AKAP6: variants seen among roughly 807,000 people sequenced by gnomAD.
The protein encoded by AKAP6 is A-kinase anchor protein 6.
Under a neutral mutation model 188.5 loss-of-function variants are expected in AKAP6, and 58 were observed. The observed-to-expected ratio is 0.31, with a 90% CI of 0.25 to 0.38. The LOEUF (loss-of-function observed/expected upper bound fraction) is 0.38. Among genes scored for constraint, AKAP6 ranks in the 10% least tolerant of loss-of-function variants. AKAP6 has a pLI of 1.00. For missense variants in AKAP6, 2,710 were observed against 2,740.0 expected (o/e 0.99, Z 0.24); for synonymous variants, 989 against 998.6 (o/e 0.99, Z 0.18).
chr14:32,794,875 C>T (rs192298627), intron 12 of AKAP6, among the ~76,000 whole-genome samples: 2 of 151,404 alleles, frequency 1.3e-5, no homozygotes, highest in Non-Finnish European at 3.0e-5. Context: ...TTTAAATTAA[C>T]AAAAGAGACC....
chr14:32,706,271 A>G (rs1890808291), intron 9 of AKAP6, among the ~76,000 whole-genome samples: 2 of 152,164 alleles, frequency 1.3e-5, no homozygotes, highest in African/African-American at 2.4e-5. Flanking sequence ...GTTAGAAGGT[A>G]TATCTGCAAA....
At chr14:32,534,978 C>A (rs145001232) in intron 2 of AKAP6, among the ~76,000 whole-genome samples, 792 of 84,752 alleles carry the variant, frequency 9.3e-3, no homozygotes, top group Middle Eastern at 0.014. Context: ...AAAAAAAAAA[C>A]AAAAACAAAC....
chr14:32,804,401 C>A (rs1464198726), intron 12 of AKAP6, among the ~76,000 whole-genome samples: 1 of 152,056 alleles, frequency 6.6e-6, no homozygotes, highest in African/African-American at 2.4e-5. Context: ...ATTGGTAGGA[C>A]CACGAAGCCC....
chr14:32,819,446 A>G (rs73258746), intron 12 of AKAP6, among the ~76,000 whole-genome samples: 2,026 of 152,298 alleles, frequency 0.013, 44 homozygotes, highest in African/African-American at 0.046. Flanking sequence ...CTGTTTTTCA[A>G]CCAGACAGTT....
At chr14:32,724,444 T>C (rs932723634) in intron 9 of AKAP6, among the ~76,000 whole-genome samples, 5 of 152,200 alleles carry the variant, frequency 3.3e-5, no homozygotes, top group African/African-American at 9.7e-5. Context: ...ATTCACATCC[T>C]TGGTGAAGGG....
intron 1 of AKAP6, among the ~76,000 whole-genome samples, chr14:32,384,524 G>C (rs1163838804): frequency 2.0e-5 from 3 of 152,174 alleles, no homozygotes; most frequent in Non-Finnish European, 4.4e-5. Context: ...TGGTAACAGA[G>C]GGGACCTCAA....
In AKAP6 at chr14:32,546,307, T is replaced by A. The variant is rs1226871686; in HGVS notation, c.1654T>A (p.Ser552Thr). ...EGPQTNSAST[S>T]SLEPCNQRSW... Reference sequence around the variant, plus strand: ...GCCACAAACAAATTCTGCTTCCACATCCTCACTTGAGCCTTGTAATCAGAG... The same window carrying A: ...GCCACAAACAAATTCTGCTTCCACAACCTCACTTGAGCCTTGTAATCAGAG... The change falls in exon 4 of 14, where the codon TCC (serine) becomes ACC (threonine). Residue 552 changes from serine to threonine, a missense_variant. Ser to Thr is a moderately conservative substitution (Grantham distance 58). Coordinates refer to ENST00000280979, the MANE Select transcript of AKAP6 (RefSeq NM_004274.5). 6.2e-7 allele frequency: 1 copy of A among 1,614,164 alleles called. No homozygotes were observed. The highest frequency in any genetic ancestry group is 1.7e-5 in the Admixed American group (1 of 60,020).
chr14:32,774,694 G>A (rs772947862), intron 12 of AKAP6, among the ~76,000 whole-genome samples: 1 of 152,162 alleles, frequency 6.6e-6, no homozygotes, highest in African/African-American at 2.4e-5. Context: ...TGAGGTCAAT[G>A]TCTATTAGTT....
intron 2 of AKAP6, among the ~76,000 whole-genome samples, chr14:32,460,913 A>G (rs1891301149): frequency 6.6e-6 from 1 of 152,202 alleles, no homozygotes; most frequent in African/African-American, 2.4e-5. Flanking sequence ...CTGAGGCTTT[A>G]GTAGGCAGTT....
chr14:32,701,896 C>T (rs1012760345), intron 9 of AKAP6, among the ~76,000 whole-genome samples: 3 of 151,978 alleles, frequency 2.0e-5, no homozygotes, highest in Admixed American at 1.3e-4. Context: ...AAATAGAAGA[C>T]AATTCATTAA....
chr14:32,624,720 G>T (rs1358119692), intron 7 of AKAP6, among the ~76,000 whole-genome samples: 1 of 152,064 alleles, frequency 6.6e-6, no homozygotes, highest in Non-Finnish European at 1.5e-5. Flanking sequence ...TAATTAGGAA[G>T]AAAATTATGA....
chr14:32,814,450 A>G (rs907311618), intron 12 of AKAP6, among the ~76,000 whole-genome samples: 2 of 152,130 alleles, frequency 1.3e-5, no homozygotes, highest in Admixed American at 1.3e-4. Context: ...AGTCTCATTC[A>G]TCTCTGCAGA....
At chr14:32,416,714 C>G (rs1889671750) in intron 1 of AKAP6, among the ~76,000 whole-genome samples, 1 of 152,060 alleles carries the variant, frequency 6.6e-6, no homozygotes, top group South Asian at 2.1e-4. Context: ...ACCACCATGC[C>G]TGGCTAATTT....
At position 32,678,409 on chromosome 14, in the gene AKAP6, A is replaced by T. The variant is rs776877574; in HGVS notation, c.2829A>T (p.Arg943=). 3 of 1,613,850 alleles carry T rather than the reference A, an allele frequency of 1.9e-6. No individual in the cohort carries two copies. The Admixed American group carries it at 5.0e-5, about 27-fold the overall frequency. The stretch of plus-strand genomic sequence containing the variant: ...AGCAGTATACCAGCAGCAGCAAGCG[A>T]AAGGAAGAGTTTGCTGATATGTCAA... The part of the protein sequence containing the change: ...YSEQYTSSSK[R]KEEFADMSKV... Residue 943 remains arginine, a synonymous_variant, in exon 8 of 14, where the codon CGA becomes CGT. Transcript: ENST00000280979.
intron 1 of AKAP6, among the ~76,000 whole-genome samples, chr14:32,415,753 T>C (rs1889636809): frequency 6.6e-6 from 1 of 152,184 alleles, no homozygotes; most frequent in Admixed American, 6.6e-5. Flanking sequence ...TTTAGACTAC[T>C]CTAAGTACCT....
At chr14:32,583,845 G>C (rs188945252) in intron 5 of AKAP6, among the ~76,000 whole-genome samples, 40 of 152,322 alleles carry the variant, frequency 2.6e-4, no homozygotes, top group Non-Finnish European at 7.3e-5. Context: ...CATTATTAGG[G>C]TGGGAGTGAC....
At chr14:32,600,509 G>T in intron 6 of AKAP6, 120 bp from the exon 7 acceptor site, 1 of 1,124,986 alleles carries the variant, frequency 8.9e-7, no homozygotes, top group Non-Finnish European at 1.2e-6. Context: ...GCAGGTGATG[G>T]TAATGGTCAT....
At chr14:32,676,669 C>A (rs925083890) in intron 7 of AKAP6, among the ~76,000 whole-genome samples, 3 of 152,278 alleles carry the variant, frequency 2.0e-5, no homozygotes, top group Admixed American at 1.3e-4. Flanking sequence ...AAATAGATTG[C>A]AGTTTTGATC....
At chr14:32,529,641 C>T (rs1430101301) in intron 2 of AKAP6, among the ~76,000 whole-genome samples, 2 of 152,118 alleles carry the variant, frequency 1.3e-5, no homozygotes, top group African/African-American at 4.8e-5. Context: ...TGAGAAAGTT[C>T]CCCTGTACTT....
Sources: allele counts gnomAD v4.1 joint callset (sites outside exome capture counted in the v4.1 genomes callset), GRCh38; gene constraint gnomAD v4.1.1; transcripts MANE v1.5; gene names NCBI Gene and HGNC (gene_info 2026-07-23, HGNC 2026-07-21).